The following SPTLC3 variants were observed in gnomAD, a reference collection of about 807,000 sequenced individuals.
SPTLC3 encodes the protein serine palmitoyltransferase 3.
Under a neutral mutation model 59.3 loss-of-function variants are expected in SPTLC3, and 36 were observed. That is an observed-to-expected ratio of 0.61 (90% CI 0.47 to 0.80). SPTLC3 has a LOEUF of 0.80. Ranked by LOEUF, SPTLC3 falls within the 30% of genes least tolerant of loss-of-function variation. SPTLC3 has a pLI of 0.00. For missense variants in SPTLC3, 625 were observed against 685.1 expected, an observed-to-expected ratio of 0.91 and a Z score of 0.98; for synonymous variants, 257 against 240.8, an observed-to-expected ratio of 1.07 and a Z score of -0.62.
At chr20:13,100,423 T>C (rs1406365276) in intron 6 of SPTLC3, among the ~76,000 whole-genome samples, 1 of 152,176 alleles carries the variant, frequency 6.6e-6, no homozygotes, top group Non-Finnish European at 1.5e-5. Context: ...TTTTTAGTGA[T>C]GCTAAATTCA....
intron 2 of SPTLC3, among the ~76,000 whole-genome samples, chr20:13,063,662 T>C (rs1988060334): frequency 6.6e-6 from 1 of 151,092 alleles, no homozygotes; most frequent in South Asian, 2.1e-4. Flanking sequence ...TATTTATTTA[T>C]TTATTTTTTG....
intron 9 of SPTLC3, among the ~76,000 whole-genome samples, chr20:13,147,043 T>C (rs1356835647): frequency 6.6e-6 from 1 of 152,190 alleles, no homozygotes; most frequent in Non-Finnish European, 1.5e-5. Flanking sequence ...ACAGTGTATC[T>C]GAGCAGCTGG....
intron 2 of SPTLC3, among the ~76,000 whole-genome samples, chr20:13,067,708 T>C (rs751255701): frequency 8.5e-5 from 13 of 152,196 alleles, no homozygotes; most frequent in African/African-American, 4.8e-5. Context: ...TAGGTTCTTA[T>C]ACTTCAAAGA....
intron 4 of SPTLC3, among the ~76,000 whole-genome samples, chr20:13,075,935 G>A (rs540130310): frequency 1.1e-4 from 16 of 152,320 alleles, no homozygotes; most frequent in African/African-American, 3.6e-4. Context: ...GCCAGATATG[G>A]AACATGGGTC....
At chr20:13,112,472 G>A (rs1349159310) in intron 7 of SPTLC3, among the ~76,000 whole-genome samples, 1 of 152,174 alleles carries the variant, frequency 6.6e-6, no homozygotes, top group Non-Finnish European at 1.5e-5. Flanking sequence ...TACATCATGA[G>A]GCCAGCCCCG....
At chr20:13,009,457 G>C in intron 1 of SPTLC3, 73 bp downstream of exon 1, 1 of 1,363,640 alleles carries the variant, frequency 7.3e-7, no homozygotes, top group Non-Finnish European at 1.0e-6. Context: ...AGATATTTGA[G>C]GCTGTCCTAA....
chr20:13,118,675 GCCACACCAGGCCCAAA>G, intron 8 of SPTLC3, among the ~76,000 whole-genome samples: 1 of 152,156 alleles, frequency 6.6e-6, no homozygotes, highest in East Asian at 1.9e-4. Flanking sequence ...AGCCTAGGAT[GCCACACCAGGCCCAAA>G]ACCAGTGCAT....
At chr20:13,104,232 G>T (rs1473839644) in intron 6 of SPTLC3, among the ~76,000 whole-genome samples, 1 of 152,130 alleles carries the variant, frequency 6.6e-6, no homozygotes, top group Non-Finnish European at 1.5e-5. Flanking sequence ...CATCTGATAG[G>T]GTTTGGCTGT....
At chr20:13,144,455 A>G (rs1487295905) in intron 9 of SPTLC3, among the ~76,000 whole-genome samples, 1 of 152,226 alleles carries the variant, frequency 6.6e-6, no homozygotes, top group Non-Finnish European at 1.5e-5. Flanking sequence ...TTAACAGATC[A>G]GTAAATTGAG....
chr20:13,153,920 T>TA, intron 9 of SPTLC3, 83 bp from the exon 10 acceptor site: 3 of 1,562,322 alleles, frequency 1.9e-6, no homozygotes, highest in Non-Finnish European at 1.7e-6. Flanking sequence ...CAGAAAGACT[T>TA]AAAGATGCTT....
intron 4 of SPTLC3, among the ~76,000 whole-genome samples, chr20:13,082,973 G>T (rs1988889532): frequency 6.6e-6 from 1 of 152,178 alleles, no homozygotes; most frequent in African/African-American, 2.4e-5. Flanking sequence ...GGCATTGAGG[G>T]TGGCAAAAGA....
At chr20:13,120,490 T>C (rs1235035584) in intron 8 of SPTLC3, among the ~76,000 whole-genome samples, 1 of 152,158 alleles carries the variant, frequency 6.6e-6, no homozygotes, top group Non-Finnish European at 1.5e-5. Context: ...TCCAAAAATC[T>C]AGAAAAAAGA....
At chr20:13,084,867 C>T (rs1161309220) in intron 4 of SPTLC3, among the ~76,000 whole-genome samples, 1 of 152,056 alleles carries the variant, frequency 6.6e-6, no homozygotes, top group African/African-American at 2.4e-5. Context: ...TAAAACTTTA[C>T]AAAAAGGAAA....
At chr20:13,091,322 C>G in intron 5 of SPTLC3, 115 bp downstream of exon 5, 1 of 1,353,976 alleles carries the variant, frequency 7.4e-7, no homozygotes, top group Non-Finnish European at 1.0e-6. Context: ...CGCCTGTAAT[C>G]CTAGCACTTT....
At chr20:13,028,337 C>T (rs1022779111) in intron 1 of SPTLC3, among the ~76,000 whole-genome samples, 2 of 152,054 alleles carry the variant, frequency 1.3e-5, no homozygotes, top group South Asian at 2.1e-4. Flanking sequence ...GTGATTCAGT[C>T]CAGTGGAATC....
intron 6 of SPTLC3, among the ~76,000 whole-genome samples, chr20:13,096,405 A>C (rs890350010): frequency 2.0e-5 from 3 of 151,934 alleles, no homozygotes; most frequent in African/African-American, 7.3e-5. Context: ...AGTAGAAAAA[A>C]CTATTATTTA....
chr20:13,082,952 T>C (rs1988888889), intron 4 of SPTLC3, among the ~76,000 whole-genome samples: 1 of 152,168 alleles, frequency 6.6e-6, no homozygotes, highest in Non-Finnish European at 1.5e-5. Flanking sequence ...GTGATTATCT[T>C]TGGGAAGAGG....
At chr20:13,095,516 A>G (rs1419241420) in intron 6 of SPTLC3, among the ~76,000 whole-genome samples, 1 of 152,188 alleles carries the variant, frequency 6.6e-6, no homozygotes, top group Non-Finnish European at 1.5e-5. Context: ...ACATACATAT[A>G]TAAATGACCA....
chr20:13,065,287 G>A (rs1249256439), intron 2 of SPTLC3, among the ~76,000 whole-genome samples: 8 of 121,360 alleles, frequency 6.6e-5, no homozygotes, highest in African/African-American at 2.7e-4. Context: ...TTTTTCTAAA[G>A]TGTTTCTGTG....
Sources: gnomAD v4.1 joint callset for allele counts (sites outside exome capture counted in the v4.1 genomes callset) on GRCh38, gnomAD v4.1.1 for gene constraint, MANE v1.5 for transcripts, NCBI Gene and HGNC (gene_info 2026-07-23, HGNC 2026-07-21) for gene names.